The following SLC6A5 variants were observed in gnomAD, a reference collection of about 807,000 sequenced individuals.
SLC6A5 encodes the protein sodium- and chloride-dependent glycine transporter 2.
In SLC6A5, 58 loss-of-function variants were observed where a neutral mutation model predicts 90.5. The observed-to-expected ratio is 0.64, with a 90% CI of 0.52 to 0.80. SLC6A5 has a LOEUF of 0.80. SLC6A5 is among the 30% of genes least tolerant of loss of function. The pLI is 0.00. For synonymous variants in SLC6A5, 427 were observed against 401.4 expected (o/e 1.06, Z -0.76); for missense variants, 1,015 against 1,017.6 (o/e 1.00, Z 0.03).
intron 6 of SLC6A5, among the ~76,000 whole-genome samples, chr11:20,616,665 C>T (rs942750834): frequency 2.6e-5 from 4 of 152,166 alleles, no homozygotes; most frequent in Non-Finnish European, 5.9e-5. Flanking sequence ...AAGTTTAGTT[C>T]CAGCCTTGGT....
At chr11:20,631,128 G>GAGT (rs1853102030) in intron 10 of SLC6A5, among the ~76,000 whole-genome samples, 1 of 152,244 alleles carries the variant, frequency 6.6e-6, no homozygotes, top group South Asian at 2.1e-4. Context: ...TGTTAGGTAT[G>GAGT]AGTAGAGAAT....
chr11:20,627,932 G>A (rs372591741), intron 8 of SLC6A5, 48 bp from the exon 9 acceptor site: 27 of 1,436,928 alleles, frequency 1.9e-5, no homozygotes, highest in Admixed American at 1.3e-4. Flanking sequence ...CTCCCCTGGC[G>A]CCAGTCTCCT....
At chr11:20,601,814 G>A (rs1852486640) in intron 2 of SLC6A5, 149 bp downstream of exon 2, 1 of 877,288 alleles carries the variant, frequency 1.1e-6, no homozygotes, top group Non-Finnish European at 1.8e-6. Context: ...TTGGGGCTTC[G>A]GAAGCTCGCA....
rs529155554 is a variant in SLC6A5, at chr11:20,655,552, C to CT, written c.*691dup. On this transcript the variant is annotated 3_prime_UTR_variant, in exon 16 of 16. Coordinates refer to ENST00000525748, the MANE Select transcript of SLC6A5 (RefSeq NM_004211.5). ...CTGTCAGTTTTCTTCCCTCAACTGT[C>CT]TTTTTTTGTTTTAAATAACCACATT... is the stretch of plus-strand genomic sequence containing the variant. 1,735 of 152,940 alleles carry CT rather than the reference C, an allele frequency of 0.011. 21 individuals carry two copies. Among genetic ancestry groups the CT allele is most frequent in the Non-Finnish European group, 0.016 (1,067 of 68,508 alleles). 9.5% of individuals were successfully genotyped at this position (152,940 alleles called of 1,614,324 possible).
At chr11:20,652,508 A>T (rs767682070) in intron 15 of SLC6A5, 52 bp downstream of exon 15, 1 of 1,533,088 alleles carries the variant, frequency 6.5e-7, no homozygotes, top group East Asian at 2.2e-5. Context: ...GAAAGCCCAT[A>T]AAAGCTCTGC....
Position 20,654,973 on chromosome 11 carries a change from A to G in SLC6A5, c.*105A>G, listed in dbSNP as rs922795821. ...CATTTTTCTTCATCTTTCTTCCTAC[A>G]TCTTGGTTCACATCCACGCATGAGA... On this transcript the variant is annotated 3_prime_UTR_variant, in exon 16 of 16. Transcript: ENST00000525748. 2 of 1,200,446 alleles carry G rather than the reference A, an allele frequency of 1.7e-6. No individual in the cohort carries two copies. Among genetic ancestry groups the G allele is most frequent in the East Asian group, 2.3e-5 (1 of 42,996 alleles). The allele number at this position is 1,200,446 out of a possible 1,614,324, so 74.4% of individuals were successfully genotyped here.
intron 1 of SLC6A5, among the ~76,000 whole-genome samples, chr11:20,600,335 GGAAGAAGAAGAAGAAGAAGAA>G (rs55891826): frequency 0.03 from 2,626 of 87,922 alleles, 49 homozygotes; most frequent in Admixed American, 0.06. Context: ...AAGAAGAAGA[GGAAGAAGAAGAAGAAGAAGAA>G]GAAGAAGAAG....
intron 10 of SLC6A5, among the ~76,000 whole-genome samples, chr11:20,632,373 A>G (rs1044284156): frequency 6.6e-6 from 1 of 152,158 alleles, no homozygotes; most frequent in Non-Finnish European, 1.5e-5. Context: ...GCTCCAGGAA[A>G]CGGATTTCTG....
Position 20,652,393 on chromosome 11 carries a change from CGT to C in SLC6A5, c.2176_2177del (p.Val726HisfsTer20). 1 of 1,614,064 alleles carries C rather than the reference CGT, an allele frequency of 6.2e-7. No homozygotes were observed. Among genetic ancestry groups the C allele is most frequent in the East Asian group, 2.2e-5 (1 of 44,872 alleles). ...VLGWLMLACS[V>X]IWIPIMFVIK... ...TCGGATGGCTAATGCTCGCCTGTTC[CGT>C]CATCTGGATCCCAATTATGTTTGTG... On this transcript the variant is annotated frameshift_variant, in exon 15 of 16. Coordinates refer to ENST00000525748, the MANE Select transcript of SLC6A5 (RefSeq NM_004211.5). LOFTEE classifies it high-confidence loss of function.
chr11:20,611,194 C>T (rs763830641), intron 5 of SLC6A5, among the ~76,000 whole-genome samples: 10 of 152,200 alleles, frequency 6.6e-5, no homozygotes, highest in East Asian at 1.9e-4. Flanking sequence ...GGGGCTCATG[C>T]CTGTAATCCC....
chr11:20,605,661 G>GGCCCGCGCAAGT (rs1227492524), intron 3 of SLC6A5, among the ~76,000 whole-genome samples: 9 of 152,240 alleles, frequency 5.9e-5, no homozygotes, highest in Admixed American at 3.9e-4. Context: ...AAAGGAGGTT[G>GGCCCGCGCAAGT]GCCCGCGCAA....
intron 13 of SLC6A5, among the ~76,000 whole-genome samples, chr11:20,642,442 A>C (rs1053312192): frequency 1.3e-5 from 2 of 152,142 alleles, no homozygotes; most frequent in Non-Finnish European, 2.9e-5. Flanking sequence ...AGTCTAAAAT[A>C]ATAGCCATGA....
In SLC6A5 at chr11:20,624,532, C is replaced by T. The variant is rs1015832130; in HGVS notation, c.1261-2176C>T. On this transcript the variant is annotated intron_variant, in intron 7 of 15. Coordinates refer to ENST00000525748, the MANE Select transcript of SLC6A5 (RefSeq NM_004211.5). Reference sequence around the variant, plus strand: ...TGAGTCCTTGAATCCGTCCTCATCTCCTGAAATCCCACTCACTACCATGCT... The same window carrying T: ...TGAGTCCTTGAATCCGTCCTCATCTTCTGAAATCCCACTCACTACCATGCT... Among the ~76,000 whole-genome samples, 6 of 152,170 alleles carry T rather than the reference C, an allele frequency of 3.9e-5. No individual in the cohort carries two copies. The East Asian group carries it at 9.6e-4, about 24-fold the overall frequency.
Position 20,652,420 on chromosome 11 carries a change from G to C in SLC6A5, c.2202G>C (p.Val734=). The C allele has an allele frequency of 6.2e-7, 1 of 1,614,098 alleles. No individual in the cohort carries two copies. The highest frequency in any genetic ancestry group is 2.2e-5 in the East Asian group (1 of 44,874). The change falls in exon 15 of 16, where the codon GTG becomes GTC. Residue 734 remains valine, a synonymous_variant. Transcript: ENST00000525748. ...TCATCTGGATCCCAATTATGTTTGTGATAAAAATGCATCTGGCCCCTGGAA... is the reference window on the plus strand; with the variant it reads ...TCATCTGGATCCCAATTATGTTTGTCATAAAAATGCATCTGGCCCCTGGAA... ...CSVIWIPIMF[V]IKMHLAPGRF...
intron 6 of SLC6A5, 94 bp from the exon 7 acceptor site, chr11:20,617,658 C>A: frequency 9.0e-7 from 1 of 1,113,836 alleles, no homozygotes; most frequent in Non-Finnish European, 1.4e-6. Flanking sequence ...TTGTGCAAGC[C>A]TCCTGGCTCT....
At chr11:20,643,119 G>A (rs190891792) in intron 13 of SLC6A5, among the ~76,000 whole-genome samples, 1 of 152,084 alleles carries the variant, frequency 6.6e-6, no homozygotes, top group African/African-American at 2.4e-5. Context: ...TCATATCGGT[G>A]TCCCCAGTCA....
chr11:20,627,809 C>A (rs1197704883), intron 8 of SLC6A5, among the ~76,000 whole-genome samples, 171 bp from the exon 9 acceptor site: 1 of 152,040 alleles, frequency 6.6e-6, no homozygotes, highest in Non-Finnish European at 1.5e-5. Context: ...ATTGACTATG[C>A]CTTTGGTTTC....
intron 2 of SLC6A5, 113 bp from the exon 3 acceptor site, chr11:20,604,173 G>C: frequency 7.3e-7 from 1 of 1,361,696 alleles, no homozygotes; most frequent in Non-Finnish European, 1.0e-6. Context: ...ATCCTCGGTT[G>C]AGAAGTGGGA....
At chr11:20,649,336 T>G (rs1343073506) in intron 14 of SLC6A5, among the ~76,000 whole-genome samples, 3 of 152,140 alleles carry the variant, frequency 2.0e-5, no homozygotes, top group African/African-American at 7.2e-5. Flanking sequence ...CTGATGAGTC[T>G]CCCTCCAGCA....
Sources: gnomAD v4.1 joint callset for allele counts (sites outside exome capture counted in the v4.1 genomes callset) on GRCh38, gnomAD v4.1.1 for gene constraint, MANE v1.5 for transcripts, NCBI Gene and HGNC (gene_info 2026-07-23, HGNC 2026-07-21) for gene names.